Variants in AP1M1 observed in about 807,000 individuals in gnomAD.
The protein encoded by AP1M1 is adaptor related protein complex 1 subunit mu 1.
A neutral mutation model predicts 57.1 loss-of-function variants in AP1M1; 18 were observed. That is an observed-to-expected ratio of 0.32 (90% confidence interval 0.22 to 0.47). The LOEUF (loss-of-function observed/expected upper bound fraction) is 0.47, where lower values mean the gene tolerates loss of function less well. Among genes scored for constraint, AP1M1 ranks in the 20% least tolerant of loss-of-function variants. The pLI is 1.00. For synonymous variants in AP1M1, 241 were observed against 237.9 expected (o/e 1.01, Z -0.12); for missense variants, 362 against 593.5 (o/e 0.61, Z 4.05).
intron 1 of AP1M1, 64 bp downstream of exon 1, chr19:16,198,132 C>A (rs886865087): frequency 1.9e-6 from 3 of 1,577,384 alleles, no homozygotes; most frequent in Non-Finnish European, 2.6e-6. Context: ...CCCGCGGGGA[C>A]CCACCCTGTT....
At chr19:16,209,692 C>T (rs569709887) in intron 5 of AP1M1, among the ~76,000 whole-genome samples, 1 of 152,034 alleles carries the variant, frequency 6.6e-6, no homozygotes, top group Non-Finnish European at 1.5e-5. Context: ...CCCTCTCGGG[C>T]CTCATTCTGT....
chr19:16,206,216 C>T lies in AP1M1; in HGVS notation c.200-125C>T, dbSNP rs756198554. On this transcript the variant is annotated intron_variant, in intron 2 of 11. Transcript: ENST00000291439. This position sits in a 1 kb window ranked among gnomAD's most constrained non-coding sequence, Gnocchi z 4.3. ...TGTAGCCCACCATGGGCCAAGTAAA[C>T]GGCTGGGAGTGGGGATAGGGAAGGC... is the stretch of plus-strand genomic sequence containing the variant. 35 of 956,630 alleles carry T rather than the reference C, an allele frequency of 3.7e-5. No individual in the cohort carries two copies. Among genetic ancestry groups the T allele is most frequent in the African/African-American group, 2.1e-4 (13 of 61,180 alleles). 59.3% of individuals were successfully genotyped at this position (956,630 alleles called of 1,614,324 possible). A position where few individuals can be genotyped will look rare whatever the true frequency, so the allele number is the denominator to read the frequency against.
At chr19:16,220,240 T>C (rs770899851) in intron 5 of AP1M1, among the ~76,000 whole-genome samples, 1 of 152,238 alleles carries the variant, frequency 6.6e-6, no homozygotes, top group Non-Finnish European at 1.5e-5. Flanking sequence ...GGCTTCGATC[T>C]GTTGCCCAGG....
chr19:16,219,005 T>G (rs1308049139), intron 5 of AP1M1, among the ~76,000 whole-genome samples: 1 of 152,154 alleles, frequency 6.6e-6, no homozygotes, highest in African/African-American at 2.4e-5. Flanking sequence ...GCTGTAGGTT[T>G]ATTATAGGTG....
chr19:16,213,943 T>C (rs2091506406), intron 5 of AP1M1, among the ~76,000 whole-genome samples: 1 of 152,256 alleles, frequency 6.6e-6, no homozygotes, highest in South Asian at 2.1e-4. Flanking sequence ...ATTGTGTTGT[T>C]AGCTGTTTAT....
In AP1M1 at chr19:16,228,711, G is replaced by A; in HGVS notation, c.889-59G>A. 6.3e-7 allele frequency: 1 copy of A among 1,599,160 alleles called. No homozygotes were observed. The stretch of plus-strand genomic sequence containing the variant: ...CAGGCTGAGGGGCATGTGTCCTGGA[G>A]AGGCTGGCCAGCTCACCTTGGCCTC... On this transcript the variant is annotated intron_variant, in intron 8 of 11. Transcript: ENST00000291439. The surrounding 1 kb of genome is among the most constrained non-coding windows in gnomAD (Gnocchi z 5.0).
At chr19:16,223,779 T>A (rs1035859506) in intron 5 of AP1M1, among the ~76,000 whole-genome samples, 3 of 152,232 alleles carry the variant, frequency 2.0e-5, no homozygotes, top group African/African-American at 7.2e-5. Flanking sequence ...CCTGCTGCTG[T>A]CTTCAGTCTT....
Position 16,227,690 on chromosome 19 carries a change from C to T in AP1M1, c.816C>T (p.His272=), listed in dbSNP as rs772322734. ...TCATGTCCTACCGTCTCAACACCCACGTGAGTGCGCCACCCTGGGGCTGGG... is the reference window on the plus strand; with the variant it reads ...TCATGTCCTACCGTCTCAACACCCATGTGAGTGCGCCACCCTGGGGCTGGG... The part of the protein sequence containing the change: ...FELMSYRLNT[H]VKPLIWIESV... The change falls in exon 7 of 12, where the codon CAC becomes CAT. Residue 272 remains histidine, a splice_region_variant and synonymous_variant. Transcript: ENST00000291439. This position sits in a 1 kb window ranked among gnomAD's most constrained non-coding sequence, Gnocchi z 6.2. 17 of 1,613,148 alleles carry T rather than the reference C, an allele frequency of 1.1e-5. No individual in the cohort carries two copies. Among genetic ancestry groups the T allele is most frequent in the South Asian group, 4.4e-5 (4 of 91,084 alleles).
rs1326163477 is a variant in AP1M1 at position 16,203,291 on chromosome 19, C to G, written c.43-168C>G. Among the ~76,000 whole-genome samples the G allele has an allele frequency of 6.6e-6, 1 of 152,186 alleles. No homozygotes were observed. Among genetic ancestry groups the G allele is most frequent in the Admixed American group, 6.5e-5 (1 of 15,272 alleles). Reference sequence around the variant, plus strand: ...GGGAGATGCTCTTCTCCAGGAATTCCCTGGGGGATGGAGATCAGAACGGCC... The same window carrying G: ...GGGAGATGCTCTTCTCCAGGAATTCGCTGGGGGATGGAGATCAGAACGGCC... On this transcript the variant is annotated intron_variant, in intron 1 of 11. Transcript: ENST00000291439. The surrounding 1 kb of genome is among the most constrained non-coding windows in gnomAD (Gnocchi z 4.6).
Position 16,206,222 on chromosome 19 carries a change from G to A in AP1M1, c.200-119G>A, listed in dbSNP as rs1319126998. The stretch of plus-strand genomic sequence containing the variant: ...CCACCATGGGCCAAGTAAACGGCTG[G>A]GAGTGGGGATAGGGAAGGCTCTGAG... On this transcript the variant is annotated intron_variant, in intron 2 of 11. Coordinates refer to ENST00000291439, the MANE Select transcript of AP1M1 (RefSeq NM_032493.4). The surrounding 1 kb of genome is among the most constrained non-coding windows in gnomAD (Gnocchi z 4.3). The A allele has an allele frequency of 4.0e-6, 4 of 1,008,638 alleles. No homozygotes were observed. Among genetic ancestry groups the A allele is most frequent in the East Asian group, 2.4e-5 (1 of 41,050 alleles). 62.5% of individuals were successfully genotyped at this position (1,008,638 alleles called of 1,614,324 possible).
rs1420212505 is a variant in AP1M1, at chr19:16,242,830, T to C, written c.*8395T>C. The C allele has an allele frequency of 6.6e-6, 1 of 152,252 alleles. No individual in the cohort carries two copies. The highest frequency in any genetic ancestry group is 1.5e-5 in the Non-Finnish European group (1 of 68,058). 9.4% of individuals were successfully genotyped at this position (152,252 alleles called of 1,614,324 possible). A position where few individuals can be genotyped will look rare whatever the true frequency, so the allele number is the denominator to read the frequency against. On this transcript the variant is annotated 3_prime_UTR_variant, in exon 12 of 12. Coordinates refer to ENST00000291439, the MANE Select transcript of AP1M1 (RefSeq NM_032493.4). ...GTGCAGTGGCGCGATCTTTGCTTAC[T>C]GCAACCTCCGCCTCCCGGGTTCAAG...
intron 5 of AP1M1, among the ~76,000 whole-genome samples, chr19:16,225,124 C>T (rs896417577): frequency 2.0e-5 from 3 of 152,226 alleles, no homozygotes; most frequent in Non-Finnish European, 4.4e-5. Context: ...TTCCCTGCCC[C>T]TCCCAGGGCT....
chr19:16,206,095 C>T lies in AP1M1; in HGVS notation c.200-246C>T, dbSNP rs2091468291. On this transcript the variant is annotated intron_variant, in intron 2 of 11. Coordinates refer to ENST00000291439, the MANE Select transcript of AP1M1 (RefSeq NM_032493.4). The surrounding 1 kb of genome is among the most constrained non-coding windows in gnomAD (Gnocchi z 4.3). Reference sequence around the variant, plus strand: ...CAGGTGCCCTGTGCCACCTGCCATCCCTGTGATTCTCCATCTCAGTGAGTG... The same window carrying T: ...CAGGTGCCCTGTGCCACCTGCCATCTCTGTGATTCTCCATCTCAGTGAGTG... Among the ~76,000 whole-genome samples, 1 of 152,144 alleles carries T rather than the reference C, an allele frequency of 6.6e-6. No individual in the cohort carries two copies. The highest frequency in any genetic ancestry group is 1.5e-5 in the Non-Finnish European group (1 of 68,028).
intron 4 of AP1M1, 56 bp downstream of exon 4, chr19:16,208,205 C>T (rs2091477977): frequency 6.5e-6 from 10 of 1,541,846 alleles, no homozygotes; most frequent in African/African-American, 2.8e-5. Context: ...ATGACATCGA[C>T]GTCATCAGGT....
rs2091470894 is a variant in AP1M1 at position 16,206,681 on chromosome 19, CAG to C, written c.267+274_267+275del. 1.3e-5 allele frequency among the ~76,000 whole-genome samples: 2 copies of C among 152,158 alleles called. No individual in the cohort carries two copies. The highest frequency in any genetic ancestry group is 2.4e-5 in the African/African-American group (1 of 41,446). On this transcript the variant is annotated intron_variant, in intron 3 of 11. Coordinates refer to ENST00000291439, the MANE Select transcript of AP1M1 (RefSeq NM_032493.4). This position sits in a 1 kb window ranked among gnomAD's most constrained non-coding sequence, Gnocchi z 4.3. ...GTGCCCTGACCCTGGAAGGGACAAG[CAG>C]GGGTCAGCGAGCTTTGGAAGGATGT...
chr19:16,204,745 G>A (rs452905), intron 2 of AP1M1, among the ~76,000 whole-genome samples: 6 of 152,218 alleles, frequency 3.9e-5, no homozygotes, highest in African/African-American at 1.4e-4. Context: ...GGCCGTGCTG[G>A]CCCAGGGCTC....
intron 5 of AP1M1, among the ~76,000 whole-genome samples, chr19:16,224,372 G>A (rs1457063580): frequency 2.6e-5 from 4 of 152,230 alleles, no homozygotes; most frequent in Non-Finnish European, 4.4e-5. Context: ...GGCTCCGCCC[G>A]GAAGGATCCC....
rs1436966268 is a variant in AP1M1, at chr19:16,245,411, A to AGG, written c.*10977_*10978insGG. The AGG allele has an allele frequency of 6.6e-6, 1 of 152,152 alleles. No individual in the cohort carries two copies. The highest frequency in any genetic ancestry group is 1.5e-5 in the Non-Finnish European group (1 of 68,084). The allele number at this position is 152,152 out of a possible 1,614,324, so 9.4% of individuals were successfully genotyped here. A position where few individuals can be genotyped will look rare whatever the true frequency, so the allele number is the denominator to read the frequency against. ...ATTCTCCTGCCTCAGCCTCCTGAGT[A>AGG]GCCAGGATTACAGGTGCACGCCACC... On this transcript the variant is annotated 3_prime_UTR_variant, in exon 12 of 12. Transcript: ENST00000291439.
At position 16,234,219 on chromosome 19, in the gene AP1M1, T is replaced by C. The variant is rs370959225; in HGVS notation, c.1194T>C (p.Ile398=). 53 of 1,613,744 alleles carry C rather than the reference T, an allele frequency of 3.3e-5. No homozygotes were observed. The East Asian group carries it at 4.9e-4, about 15-fold the overall frequency. The part of the protein sequence containing the change: ...SGIQVRYLKI[I]EKSGYQALPW... ...CCCAGGTGCGCTACCTGAAGATCAT[T>C]GAGAAGAGTGGGTACCAGGCCCTGC... The change falls in exon 11 of 12, where the codon ATT becomes ATC. Residue 398 remains isoleucine (I), a synonymous_variant. Transcript: ENST00000291439.
Sources: allele counts gnomAD v4.1 joint callset (sites outside exome capture counted in the v4.1 genomes callset), GRCh38; gene constraint gnomAD v4.1.1; non-coding constraint Gnocchi (gnomAD v3.1); transcripts MANE v1.5; gene names NCBI Gene and HGNC (gene_info 2026-07-23, HGNC 2026-07-21).